The following RNLS variants were observed in gnomAD, a reference collection of about 807,000 sequenced individuals.
RNLS encodes the protein renalase, FAD dependent amine oxidase, also known as renalase.
A neutral mutation model predicts 39.8 loss-of-function variants in RNLS; 39 were observed. The ratio of observed to expected loss-of-function variants is 0.98; its 90% confidence interval spans 0.76 to 1.28. RNLS has a LOEUF of 1.28. Among genes scored for constraint, RNLS ranks in the 50% most tolerant of loss-of-function variants. The pLI is 0.00. For missense variants in RNLS, 410 were observed against 413.3 expected, an observed-to-expected ratio of 0.99 and a Z score of 0.07; for synonymous variants, 147 against 150.7, an observed-to-expected ratio of 0.98 and a Z score of 0.18.
At chr10:88,309,601 T>G (rs1416763086) in intron 6 of RNLS, 1 of 484,996 alleles carries the variant, frequency 2.1e-6, no homozygotes, top group East Asian at 7.1e-5. Context: ...AGGAGCCAAA[T>G]GGAAACTTTG....
At chr10:88,570,170 T>A (rs372813574) in intron 4 of RNLS, among the ~76,000 whole-genome samples, 7 of 152,300 alleles carry the variant, frequency 4.6e-5, no homozygotes, top group South Asian at 4.1e-4. Flanking sequence ...ATCACTCTCA[T>A]GGACATGAAT....
chr10:88,373,576 C>T (rs1191803433), intron 4 of RNLS, among the ~76,000 whole-genome samples: 3 of 152,084 alleles, frequency 2.0e-5, no homozygotes, highest in Non-Finnish European at 4.4e-5. Context: ...TATTTTTGAT[C>T]TTCATATCAG....
At chr10:88,417,524 A>C (rs1854104845) in intron 4 of RNLS, among the ~76,000 whole-genome samples, 1 of 152,216 alleles carries the variant, frequency 6.6e-6, no homozygotes, top group African/African-American at 2.4e-5. Flanking sequence ...AGGCAAATTA[A>C]AAAATGGTAT....
At chr10:88,242,934 C>T in the RNLS span, among the ~76,000 whole-genome samples, 4 of 146,738 alleles carry the variant, frequency 2.7e-5, no homozygotes, top group East Asian at 6.1e-4. Flanking sequence ...GCAACAAGAG[C>T]GAAACTCTGT....
chr10:88,247,578 G>A, the RNLS span, among the ~76,000 whole-genome samples: 1 of 152,124 alleles, frequency 6.6e-6, no homozygotes, highest in Non-Finnish European at 1.5e-5. Flanking sequence ...AAGGGGTTGT[G>A]GTAAGGATTA....
chr10:88,527,820 T>C (rs914355375), intron 4 of RNLS, among the ~76,000 whole-genome samples: 5 of 149,062 alleles, frequency 3.4e-5, no homozygotes, highest in Admixed American at 3.3e-4. Flanking sequence ...AAAAAAGGAA[T>C]TGAAAGAAAA....
At chr10:88,317,984 T>C (rs1386883901) in intron 5 of RNLS, among the ~76,000 whole-genome samples, 1 of 152,180 alleles carries the variant, frequency 6.6e-6, no homozygotes, top group Non-Finnish European at 1.5e-5. Context: ...TCACGGGCAA[T>C]GCTGTCAGTG....
At chr10:88,506,974 G>A (rs906431810) in intron 4 of RNLS, among the ~76,000 whole-genome samples, 4 of 151,960 alleles carry the variant, frequency 2.6e-5, no homozygotes, top group Admixed American at 1.3e-4. Flanking sequence ...ATATTAAAAA[G>A]TGATGCACTT....
At chr10:88,231,506 T>C in the RNLS span, among the ~76,000 whole-genome samples, 1 of 152,212 alleles carries the variant, frequency 6.6e-6, no homozygotes, top group Non-Finnish European at 1.5e-5. Context: ...TTTCTGGACC[T>C]CAGTCACCTC....
chr10:88,493,736 C>G (rs1381861438), intron 4 of RNLS, among the ~76,000 whole-genome samples: 1 of 152,006 alleles, frequency 6.6e-6, no homozygotes, highest in Non-Finnish European at 1.5e-5. Context: ...TGCTTTTTCA[C>G]TGTAAGGTCA....
At chr10:88,511,020 TG>T (rs1274938131) in intron 4 of RNLS, among the ~76,000 whole-genome samples, 65 of 109,010 alleles carry the variant, frequency 6.0e-4, no homozygotes, top group African/African-American at 1.7e-3. Flanking sequence ...ATTTTACAAA[TG>T]AAAAAAAAAA....
At chr10:88,391,952 C>A (rs1183687454) in intron 4 of RNLS, among the ~76,000 whole-genome samples, 2 of 152,202 alleles carry the variant, frequency 1.3e-5, no homozygotes, top group Non-Finnish European at 2.9e-5. Context: ...AGTCTGGCAG[C>A]CCCCGGAGGG....
At chr10:88,569,342 A>C (rs895256333) in intron 4 of RNLS, among the ~76,000 whole-genome samples, 2 of 152,152 alleles carry the variant, frequency 1.3e-5, no homozygotes, top group African/African-American at 4.8e-5. Flanking sequence ...TGTAACAGCA[A>C]AGTTGTGAGA....
chr10:88,495,679 G>A (rs1410416249), intron 4 of RNLS, among the ~76,000 whole-genome samples: 6 of 152,118 alleles, frequency 3.9e-5, no homozygotes, highest in African/African-American at 1.4e-4. Flanking sequence ...TGAGAGGAGG[G>A]CAGCATAAGA....
At chr10:88,481,848 T>C (rs142791046) in intron 4 of RNLS, among the ~76,000 whole-genome samples, 18 of 152,324 alleles carry the variant, frequency 1.2e-4, no homozygotes, top group Admixed American at 7.8e-4. Flanking sequence ...CCTGAAAGAC[T>C]TCCTTTGGTA....
At chr10:88,326,098 T>C (rs1473237471) in intron 5 of RNLS, among the ~76,000 whole-genome samples, 2 of 152,200 alleles carry the variant, frequency 1.3e-5, no homozygotes, top group Non-Finnish European at 2.9e-5. Context: ...GTCTTGGGTA[T>C]GTCTTCATAG....
chr10:88,548,993 G>A (rs368401707), intron 4 of RNLS, among the ~76,000 whole-genome samples: 1 of 152,146 alleles, frequency 6.6e-6, no homozygotes, highest in East Asian at 1.9e-4. Context: ...ATTTGGTGGA[G>A]TGATACTGGC....
chr10:88,374,647 A>T (rs1263655705), intron 4 of RNLS, among the ~76,000 whole-genome samples: 1 of 152,044 alleles, frequency 6.6e-6, no homozygotes. Context: ...AATTCCAAAG[A>T]TCAAACTTTT....
intron 4 of RNLS, 110 bp from the exon 5 acceptor site, chr10:88,362,835 T>A: frequency 2.3e-6 from 2 of 872,578 alleles, no homozygotes; most frequent in Non-Finnish European, 3.4e-6. Flanking sequence ...ACCAACTCCA[T>A]CTCACTTACA....
Sources: allele counts gnomAD v4.1 joint callset (sites outside exome capture counted in the v4.1 genomes callset), GRCh38; gene constraint gnomAD v4.1.1; transcripts MANE v1.5; gene names NCBI Gene and HGNC (gene_info 2026-07-23, HGNC 2026-07-21).